The following AIG1 variants were observed in gnomAD, a reference collection of about 807,000 sequenced individuals.
AIG1 encodes androgen induced 1.
Under a neutral mutation model 31.4 loss-of-function variants are expected in AIG1, and 23 were observed. That is an observed-to-expected ratio of 0.73 (90% CI 0.53 to 1.04). The LOEUF (loss-of-function observed/expected upper bound fraction) is 1.04, where lower values mean the gene tolerates loss of function less well. Among genes scored for constraint, AIG1 ranks in the 50% least tolerant of loss-of-function variants. The pLI is 0.00. For missense variants in AIG1, 274 were observed against 295.0 expected (o/e 0.93, Z 0.52); for synonymous variants, 100 against 110.5 (o/e 0.90, Z 0.60).
chr6:143,176,846 G>A (rs544940072), intron 3 of AIG1, among the ~76,000 whole-genome samples: 20 of 152,352 alleles, frequency 1.3e-4, no homozygotes, highest in African/African-American at 4.6e-4. Flanking sequence ...GGCCTGCAGC[G>A]GCAATCCGCC....
Position 143,339,815 on chromosome 6 carries a change from A to G in AIG1, c.*139A>G, listed in dbSNP as rs994900631. The G allele has an allele frequency of 3.0e-6, 2 of 673,892 alleles. No homozygotes were observed. Among genetic ancestry groups the G allele is most frequent in the South Asian group, 2.0e-5 (1 of 48,996 alleles). 41.7% of individuals were successfully genotyped at this position (673,892 alleles called of 1,614,324 possible). ...CCCTCCCCCAATGAGGACACCTTTTATATATAAATATGTATAAACATAGAA... is the reference window on the plus strand; with the variant it reads ...CCCTCCCCCAATGAGGACACCTTTTGTATATAAATATGTATAAACATAGAA... On this transcript the variant is annotated 3_prime_UTR_variant, in exon 6 of 6. Transcript: ENST00000357847.
At position 143,190,640 on chromosome 6, in the gene AIG1, G is replaced by A. The variant is rs187524772; in HGVS notation, c.399+25457G>A. On this transcript the variant is annotated intron_variant, in intron 3 of 5. Transcript: ENST00000357847. ...GCACAGATCCTCCAGTTGAACAGGG[G>A]CCTTCTTTCCAAAGCCCCAGGTAAG... 37 of 984,048 alleles carry A rather than the reference G, an allele frequency of 3.8e-5. No individual in the cohort carries two copies. The East Asian group carries it at 3.7e-3, about 100-fold the overall frequency. 61.0% of individuals were successfully genotyped at this position (984,048 alleles called of 1,614,324 possible). A position where few individuals can be genotyped will look rare whatever the true frequency, so the allele number is the denominator to read the frequency against.
upstream of AIG1, among the ~76,000 whole-genome samples, chr6:143,060,220 T>C (rs1776108558): frequency 3.3e-5 from 5 of 152,224 alleles, no homozygotes; most frequent in South Asian, 1.0e-3. Context: ...GCCTACCCAT[T>C]GAAAGCAGAA....
intron 3 of AIG1, among the ~76,000 whole-genome samples, chr6:143,179,389 G>A (rs1285801537): frequency 6.6e-6 from 1 of 152,188 alleles, no homozygotes; most frequent in Non-Finnish European, 1.5e-5. Context: ...TCTCTACATA[G>A]TTTCTAGGAA....
chr6:143,169,492 A>G (rs1485725866), intron 3 of AIG1, among the ~76,000 whole-genome samples: 1 of 152,110 alleles, frequency 6.6e-6, no homozygotes, highest in African/African-American at 2.4e-5. Context: ...AATAACAGTA[A>G]ATTATTGTTA....
chr6:143,137,803 A>G (rs987750500), intron 2 of AIG1, among the ~76,000 whole-genome samples: 3 of 152,210 alleles, frequency 2.0e-5, no homozygotes, highest in Non-Finnish European at 2.9e-5. Context: ...GAACTCATAT[A>G]TATCACAAAC....
intron 2 of AIG1, among the ~76,000 whole-genome samples, chr6:143,156,745 T>A (rs895068522): frequency 2.0e-5 from 3 of 152,220 alleles, no homozygotes; most frequent in African/African-American, 7.2e-5. Context: ...CAGTTGTAAC[T>A]GAGACATACT....
At chr6:143,113,948 G>A (rs1012148306) in intron 1 of AIG1, among the ~76,000 whole-genome samples, 36 of 152,000 alleles carry the variant, frequency 2.4e-4, no homozygotes, top group African/African-American at 8.0e-4. Context: ...CTAACTTTTT[G>A]TATTTTTAGT....
At chr6:143,343,357 C>A, downstream of AIG1, 1 of 583,112 alleles carries the variant, frequency 1.7e-6, no homozygotes. Context: ...ACTAATGCCC[C>A]CCCAAACAAG....
At chr6:143,061,220 C>T in intron 1 of AIG1, 154 bp downstream of exon 1, 1 of 929,302 alleles carries the variant, frequency 1.1e-6, no homozygotes, top group Non-Finnish European at 1.7e-6. Context: ...CCAGTGATTG[C>T]GTGTGAAGGC....
rs1159337248 is a variant in AIG1, at chr6:143,190,079, C to G, written c.399+24896C>G. ...AATCCCATTCATTGAGGATTCCACC[C>G]CAGTGACCTAATCACTTCCCAAAGG... On this transcript the variant is annotated intron_variant, in intron 3 of 5. Coordinates refer to ENST00000357847, the MANE Select transcript of AIG1 (RefSeq NM_016108.4). 4 of 696,950 alleles carry G rather than the reference C, an allele frequency of 5.7e-6. 1 individual carries two copies. In the African/African-American group the frequency reaches 7.8e-5, roughly 14 times the overall value. 43.2% of individuals were successfully genotyped at this position (696,950 alleles called of 1,614,324 possible). A position where few individuals can be genotyped will look rare whatever the true frequency, so the allele number is the denominator to read the frequency against.
At chr6:143,243,966 G>T (rs750855547) in intron 3 of AIG1, among the ~76,000 whole-genome samples, 1 of 152,136 alleles carries the variant, frequency 6.6e-6, no homozygotes, top group Non-Finnish European at 1.5e-5. Context: ...AGTGCTTCAG[G>T]CAGGTCCTTT....
intron 3 of AIG1, among the ~76,000 whole-genome samples, chr6:143,272,896 C>T (rs553803884): frequency 3.7e-4 from 56 of 152,158 alleles, no homozygotes; most frequent in African/African-American, 1.3e-3. Context: ...TTTGGGAGGC[C>T]GAGGTGGGCG....
intron 1 of AIG1, among the ~76,000 whole-genome samples, chr6:143,111,399 C>T (rs76573277): frequency 8.3e-4 from 126 of 152,308 alleles, no homozygotes; most frequent in East Asian, 6.9e-3. Context: ...TCTTCTTTTG[C>T]GGCTTTCTTG....
In AIG1 at chr6:143,306,905, T is replaced by G. The variant is rs190492540; in HGVS notation, c.515+22680T>G. ...CTTGGAGGCTTTGTTCATTTCTTTT[T>G]ATTCTTTTTTCTCCAAACTTCCCTT... On this transcript the variant is annotated intron_variant, in intron 4 of 5. Transcript: ENST00000357847. Among the ~76,000 whole-genome samples the G allele has an allele frequency of 7.7e-3, 1,180 of 152,304 alleles. 37 individuals are homozygous for G. Among genetic ancestry groups the G allele is most frequent in the Admixed American group, 0.048 (729 of 15,290 alleles).
intron 1 of AIG1, among the ~76,000 whole-genome samples, chr6:143,093,690 T>A (rs572304590): frequency 6.6e-6 from 1 of 152,224 alleles, no homozygotes; most frequent in Non-Finnish European, 1.5e-5. Context: ...TGCTTTAAAG[T>A]GAGAGATGTG....
At chr6:143,229,560 C>G (rs900308844) in intron 3 of AIG1, among the ~76,000 whole-genome samples, 1 of 152,070 alleles carries the variant, frequency 6.6e-6, no homozygotes, top group Non-Finnish European at 1.5e-5. Context: ...GCTACCACAC[C>G]CTCATTTACC....
chr6:143,187,381 T>C (rs1789358285), intron 3 of AIG1: 2 of 1,533,202 alleles, frequency 1.3e-6, no homozygotes, highest in Admixed American at 3.9e-5. Context: ...ATTTGTTTAA[T>C]TTGCAGCTAT....
chr6:143,095,734 T>C (rs1251405035), intron 1 of AIG1, among the ~76,000 whole-genome samples: 1 of 152,068 alleles, frequency 6.6e-6, no homozygotes, highest in African/African-American at 2.4e-5. Flanking sequence ...CATCTTGTTT[T>C]TTCATCCCTT....
Sources: gnomAD v4.1 joint callset for allele counts (sites outside exome capture counted in the v4.1 genomes callset) on GRCh38, gnomAD v4.1.1 for gene constraint, MANE v1.5 for transcripts, NCBI Gene and HGNC (gene_info 2026-07-23, HGNC 2026-07-21) for gene names.